The following CDH13 variants were observed in gnomAD, a reference collection of about 807,000 sequenced individuals.
CDH13 encodes the protein cadherin-13.
In CDH13, 24 loss-of-function variants were observed where a neutral mutation model predicts 63.8. That is an observed-to-expected ratio of 0.38 (90% CI 0.27 to 0.53). CDH13 has a LOEUF of 0.53. Among genes scored for constraint, CDH13 ranks in the 20% least tolerant of loss-of-function variants. The pLI, the probability that CDH13 is intolerant of heterozygous loss-of-function variation, is 0.85. For missense variants in CDH13, 1,049 were observed against 903.1 expected (o/e 1.16, Z -2.07); for synonymous variants, 503 against 355.3 (o/e 1.42, Z -4.67).
At chr16:83,177,877 A>G (rs1342550798) in intron 4 of CDH13, among the ~76,000 whole-genome samples, 4 of 152,178 alleles carry the variant, frequency 2.6e-5, no homozygotes, top group African/African-American at 9.7e-5. Context: ...TTTTCCCACC[A>G]TGCTATAAAC....
At chr16:82,797,109 C>A (rs1041923397) in intron 1 of CDH13, among the ~76,000 whole-genome samples, 1 of 152,180 alleles carries the variant, frequency 6.6e-6, no homozygotes, top group African/African-American at 2.4e-5. Flanking sequence ...TGAGCAAAGT[C>A]TAGATGAAAT....
intron 3 of CDH13, among the ~76,000 whole-genome samples, chr16:83,115,175 T>G (rs79198093): frequency 0.034 from 5,107 of 152,284 alleles, 98 homozygotes; most frequent in South Asian, 0.042. Context: ...GCAAAGTGTT[T>G]TTAGAGCAGA....
intron 1 of CDH13, among the ~76,000 whole-genome samples, chr16:82,639,012 G>A (rs757642410): frequency 3.9e-5 from 6 of 152,130 alleles, no homozygotes; most frequent in Non-Finnish European, 8.8e-5. Context: ...TTTGAGTGGT[G>A]GAGTCATTTG....
At chr16:83,118,518 G>A (rs2035416840) in intron 3 of CDH13, among the ~76,000 whole-genome samples, 1 of 152,194 alleles carries the variant, frequency 6.6e-6, no homozygotes, top group South Asian at 2.1e-4. Flanking sequence ...ACATGTGTCT[G>A]TGTTTCAGAT....
intron 1 of CDH13, chr16:82,689,133 G>T (rs1301978660): frequency 1.3e-5 from 2 of 151,448 alleles, no homozygotes; most frequent in South Asian, 4.2e-4. Context: ...CACTTACTCA[G>T]GTTTATTCTT....
chr16:83,693,104 G>A lies in CDH13; in HGVS notation c.1538+14643G>A, dbSNP rs189228243. Among the ~76,000 whole-genome samples the A allele has an allele frequency of 1.5e-3, 230 of 152,156 alleles. 2 individuals carry two copies. The highest frequency in any genetic ancestry group is 0.01 in the Admixed American group (155 of 15,262). ...TCTCGAAGAAAAAAAGAAAAGAAAA[G>A]TACATAGCCAAGTGGCCACAACTGC... On this transcript the variant is annotated intron_variant, in intron 10 of 13. Coordinates refer to ENST00000567109, the MANE Select transcript of CDH13 (RefSeq NM_001257.5).
intron 4 of CDH13, among the ~76,000 whole-genome samples, chr16:83,206,378 A>T (rs1215391128): frequency 6.6e-6 from 1 of 152,190 alleles, no homozygotes; most frequent in Non-Finnish European, 1.5e-5. Flanking sequence ...TCCCCAGGCC[A>T]AGGGGCTGGG....
At chr16:83,187,994 C>T (rs1003680108) in intron 4 of CDH13, among the ~76,000 whole-genome samples, 4 of 152,164 alleles carry the variant, frequency 2.6e-5, no homozygotes, top group Middle Eastern at 3.4e-3. Context: ...AGTAGTGTGT[C>T]CAGAATATTC....
chr16:83,433,723 T>C (rs1163920774), intron 6 of CDH13, among the ~76,000 whole-genome samples: 1 of 152,230 alleles, frequency 6.6e-6, no homozygotes, highest in Non-Finnish European at 1.5e-5. Flanking sequence ...CAGGCTGATG[T>C]AGATTCCTTG....
At chr16:83,607,693 T>A (rs1908472132) in intron 8 of CDH13, among the ~76,000 whole-genome samples, 1 of 152,226 alleles carries the variant, frequency 6.6e-6, no homozygotes. Context: ...AAATTTAGGT[T>A]GGAAACGCTA....
chr16:83,085,340 TC>T (rs2033520586), intron 3 of CDH13, among the ~76,000 whole-genome samples: 1 of 151,960 alleles, frequency 6.6e-6, no homozygotes, highest in Non-Finnish European at 1.5e-5. Context: ...CTCCCCTAGG[TC>T]CCTCCCACAA....
intron 9 of CDH13, among the ~76,000 whole-genome samples, chr16:83,677,789 G>A (rs898445642): frequency 1.1e-4 from 16 of 152,048 alleles, no homozygotes; most frequent in Admixed American, 2.6e-4. Context: ...CGTGGGTGTC[G>A]GGGGTACGGA....
intron 4 of CDH13, among the ~76,000 whole-genome samples, chr16:83,168,150 T>C (rs1165468713): frequency 1.3e-5 from 2 of 151,940 alleles, no homozygotes; most frequent in Non-Finnish European, 2.9e-5. Flanking sequence ...CCACACAATA[T>C]ACCTAGGTAA....
intron 5 of CDH13, among the ~76,000 whole-genome samples, chr16:83,311,050 T>C (rs1245935443): frequency 1.3e-5 from 2 of 152,222 alleles, no homozygotes; most frequent in Non-Finnish European, 2.9e-5. Flanking sequence ...CTTCCTGATG[T>C]AAAAGTTCCA....
At chr16:83,598,070 TAAAG>T (rs1172231610) in intron 7 of CDH13, among the ~76,000 whole-genome samples, 2 of 152,122 alleles carry the variant, frequency 1.3e-5, no homozygotes, top group Admixed American at 1.3e-4. Context: ...ATAAACTAGT[TAAAG>T]AAAGAATTAG....
At chr16:82,900,210 C>T (rs1035319740) in intron 2 of CDH13, among the ~76,000 whole-genome samples, 2 of 152,128 alleles carry the variant, frequency 1.3e-5, no homozygotes, top group African/African-American at 4.8e-5. Context: ...CAGAAAGAAC[C>T]AGGACAACAA....
At chr16:82,851,024 T>G (rs2039459172) in intron 1 of CDH13, among the ~76,000 whole-genome samples, 3 of 152,352 alleles carry the variant, frequency 2.0e-5, no homozygotes, top group Middle Eastern at 3.4e-3. Context: ...GAACCGAACC[T>G]GCAGTATCTC....
Position 83,794,911 on chromosome 16 carries a change from A to T in CDH13, c.2135-112A>T. ...AAAAAAATTCCCCCATAGTCGTGTG[A>T]TGTTTAAAATGTGTTTATTATACCT... On this transcript the variant is annotated intron_variant, in intron 13 of 13. Coordinates refer to ENST00000567109, the MANE Select transcript of CDH13 (RefSeq NM_001257.5). The T allele has an allele frequency of 9.7e-6, 9 of 923,956 alleles. No individual in the cohort carries two copies. The South Asian group carries it at 1.0e-4, about 10-fold the overall frequency. The allele number at this position is 923,956 out of a possible 1,614,324, so 57.2% of individuals were successfully genotyped here.
chr16:82,689,899 C>T (rs1345756317), intron 1 of CDH13, among the ~76,000 whole-genome samples: 1 of 140,160 alleles, frequency 7.1e-6, no homozygotes. Flanking sequence ...AATCCCAGCA[C>T]TTTTGGAGGC....
Sources: allele counts gnomAD v4.1 joint callset (sites outside exome capture counted in the v4.1 genomes callset), GRCh38; gene constraint gnomAD v4.1.1; transcripts MANE v1.5; gene names NCBI Gene and HGNC (gene_info 2026-07-23, HGNC 2026-07-21).